Variants in TAF5L observed in about 807,000 individuals in gnomAD.
TAF5L encodes the protein TAF5-like RNA polymerase II p300/CBP-associated factor-associated factor 65 kDa subunit 5L.
A neutral mutation model predicts 51.3 loss-of-function variants in TAF5L; 7 were observed. The ratio of observed to expected loss-of-function variants is 0.14; its 90% CI spans 0.08 to 0.26. The LOEUF (loss-of-function observed/expected upper bound fraction) is 0.26. TAF5L is among the 10% of genes least tolerant of loss of function. The pLI is 1.00. For synonymous variants in TAF5L, 291 were observed against 308.1 expected (o/e 0.94, Z 0.58); for missense variants, 575 against 758.9 (o/e 0.76, Z 2.85).
At chr1:229,615,648 A>T (rs2102761931) in intron 1 of TAF5L, among the ~76,000 whole-genome samples, 1 of 152,206 alleles carries the variant, frequency 6.6e-6, no homozygotes, top group South Asian at 2.1e-4. Flanking sequence ...GTTTCCTTTG[A>T]CTATTGAGTT....
At chr1:229,623,276 AAAAACAAAAC>A (rs957913467) in intron 1 of TAF5L, among the ~76,000 whole-genome samples, 1 of 152,254 alleles carries the variant, frequency 6.6e-6, no homozygotes, top group Non-Finnish European at 1.5e-5. Context: ...CTCCGTCTCC[AAAAACAAAAC>A]AAAACAAAAC....
chr1:229,600,607 AAGAC>A, intron 4 of TAF5L: 2 of 985,420 alleles, frequency 2.0e-6, no homozygotes, highest in Non-Finnish European at 2.4e-6. Flanking sequence ...TTGCTCATAT[AAGAC>A]AGTGTCACTA....
At chr1:229,622,327 T>C (rs547393000) in intron 1 of TAF5L, among the ~76,000 whole-genome samples, 19 of 152,198 alleles carry the variant, frequency 1.2e-4, no homozygotes, top group Admixed American at 8.5e-4. Context: ...TTGTTCAAAA[T>C]AGACTGAGAA....
chr1:229,606,549 C>T (rs969779553), intron 3 of TAF5L: 6 of 985,290 alleles, frequency 6.1e-6, no homozygotes, highest in Non-Finnish European at 7.2e-6. Context: ...CTCTACCTTT[C>T]TTCAAGGTTT....
intron 2 of TAF5L, 161 bp downstream of exon 2, chr1:229,614,178 GTC>G: frequency 9.0e-7 from 1 of 1,111,822 alleles, no homozygotes; most frequent in Non-Finnish European, 1.3e-6. Flanking sequence ...GACAGACAGG[GTC>G]TCTGAGGCCA....
intron 1 of TAF5L, among the ~76,000 whole-genome samples, chr1:229,624,804 C>T (rs1416836975): frequency 6.6e-6 from 1 of 152,150 alleles, no homozygotes; most frequent in Non-Finnish European, 1.5e-5. Context: ...ACAAAACTCC[C>T]TTTCCTACTC....
rs751571047 is a variant in TAF5L at position 229,602,285 on chromosome 1, A to G, written c.882T>C (p.Leu294=). 1.1e-5 allele frequency: 18 copies of G among 1,614,182 alleles called. No homozygotes were observed. The highest frequency in any genetic ancestry group is 1.4e-5 in the Non-Finnish European group (16 of 1,180,024). ...TTAACTTCTTGGATCGTAAACTCCA[A>G]AGTTTTATACAGGAGTTGTCAAACC... The change falls in exon 4 of 5, where the codon CTT becomes CTC. Residue 294 remains leucine, a synonymous_variant. Coordinates refer to ENST00000258281, the Ensembl canonical transcript of TAF5L. This position sits in a 1 kb window ranked among gnomAD's most constrained non-coding sequence, Gnocchi z 4.6.
At chr1:229,595,491 C>T (rs568189732) in intron 4 of TAF5L, among the ~76,000 whole-genome samples, 4 of 152,288 alleles carry the variant, frequency 2.6e-5, no homozygotes, top group Admixed American at 6.5e-5. Flanking sequence ...TTAGATTGTT[C>T]TATTCTATGG....
Position 229,601,331 on chromosome 1 carries a change from C to G in TAF5L, c.972+864G>C, listed in dbSNP as rs930766329. 18 of 985,282 alleles carry G rather than the reference C, an allele frequency of 1.8e-5. No homozygotes were observed. The Admixed American group carries it at 6.1e-4, about 34-fold the overall frequency. 61.0% of individuals were successfully genotyped at this position (985,282 alleles called of 1,614,324 possible). A position where few individuals can be genotyped will look rare whatever the true frequency, so the allele number is the denominator to read the frequency against. The stretch of plus-strand genomic sequence containing the variant: ...ATTCAACATTGTGTAAAGAATTTTC[C>G]ATCCAAAGTAATGTGAGGCAGAGCT... On this transcript the variant is annotated intron_variant, in intron 4 of 4. Transcript: ENST00000258281.
At chr1:229,613,943 C>CTGT (rs1317759694) in intron 2 of TAF5L, among the ~76,000 whole-genome samples, 2 of 152,176 alleles carry the variant, frequency 1.3e-5, no homozygotes, top group African/African-American at 4.8e-5. Flanking sequence ...AACCTGACTT[C>CTGT]TACATGTGAG....
intron 1 of TAF5L, among the ~76,000 whole-genome samples, chr1:229,619,892 C>A (rs974038551): frequency 6.6e-6 from 1 of 152,150 alleles, no homozygotes; most frequent in African/African-American, 2.4e-5. Context: ...CTTCACCACA[C>A]CACCATGCAA....
intron 1 of TAF5L, among the ~76,000 whole-genome samples, chr1:229,621,566 T>C (rs6662559): frequency 0.54 from 81,318 of 151,984 alleles, 21,990 homozygotes; most frequent in East Asian, 0.77. Flanking sequence ...TTTGCTTCAG[T>C]GGAGAAACAG....
chr1:229,612,618 C>T (rs1208374927), intron 2 of TAF5L, among the ~76,000 whole-genome samples: 1 of 152,156 alleles, frequency 6.6e-6, no homozygotes, highest in East Asian at 1.9e-4. Context: ...TGGCAGGCTG[C>T]TGACTGGGCT....
At chr1:229,618,320 A>G (rs1002757962) in intron 1 of TAF5L, among the ~76,000 whole-genome samples, 1 of 152,238 alleles carries the variant, frequency 6.6e-6, no homozygotes, top group East Asian at 1.9e-4. Context: ...CAATTTATAT[A>G]AAATACTTAA....
At chr1:229,595,201 C>A in intron 4 of TAF5L, 107 bp from the exon 5 acceptor site, 1 of 1,191,628 alleles carries the variant, frequency 8.4e-7, no homozygotes, top group Non-Finnish European at 1.2e-6. Context: ...ACTGAGACTG[C>A]TTGGGAAATA....
chr1:229,611,075 T>C (rs974847373), intron 2 of TAF5L, among the ~76,000 whole-genome samples: 1 of 152,086 alleles, frequency 6.6e-6, no homozygotes, highest in East Asian at 1.9e-4. Context: ...GGGTGAGCAA[T>C]GTCCCAACAT....
At chr1:229,619,879 C>T (rs911792428) in intron 1 of TAF5L, among the ~76,000 whole-genome samples, 3 of 152,140 alleles carry the variant, frequency 2.0e-5, no homozygotes, top group Non-Finnish European at 2.9e-5. Context: ...TTCACATTCC[C>T]GGCTTCACCA....
At chr1:229,609,172 C>A (rs1664704400) in intron 3 of TAF5L, among the ~76,000 whole-genome samples, 1 of 152,174 alleles carries the variant, frequency 6.6e-6, no homozygotes, top group Non-Finnish European at 1.5e-5. Flanking sequence ...GGAAAACAGA[C>A]ACAAAAGTAA....
intron 2 of TAF5L, among the ~76,000 whole-genome samples, chr1:229,613,312 GGAGA>G (rs1220234506): frequency 2.1e-5 from 3 of 142,096 alleles, no homozygotes; most frequent in Non-Finnish European, 4.5e-5. Flanking sequence ...TCTGGGTGAT[GGAGA>G]GAGACTCTGT....
Sources: gnomAD v4.1 joint callset for allele counts (sites outside exome capture counted in the v4.1 genomes callset) on GRCh38, gnomAD v4.1.1 for gene constraint, Gnocchi (gnomAD v3.1) non-coding constraint, MANE v1.5 for transcripts, NCBI Gene and HGNC (gene_info 2026-07-23, HGNC 2026-07-21) for gene names.